The following ITGBL1 variants were observed in gnomAD, a reference collection of about 807,000 sequenced individuals.
The protein encoded by ITGBL1 is integrin subunit beta like 1.
In ITGBL1, 51 loss-of-function variants were observed where a neutral mutation model predicts 68.5. That is an observed-to-expected ratio of 0.74 (90% CI 0.59 to 0.94). ITGBL1 has a LOEUF of 0.94. Ranked by LOEUF, ITGBL1 falls within the 40% of genes least tolerant of loss-of-function variation. ITGBL1 has a pLI of 0.00. For synonymous variants in ITGBL1, 209 were observed against 227.3 expected (o/e 0.92, Z 0.72); for missense variants, 649 against 647.4 (o/e 1.00, Z -0.03).
At chr13:101,604,887 T>TGTATATATATATATACACACAC (rs1555361661) in intron 7 of ITGBL1, among the ~76,000 whole-genome samples, 1 of 22,164 alleles carries the variant, frequency 4.5e-5, no homozygotes, top group African/African-American at 1.5e-4. Context: ...TATATATATA[T>TGTATATATATATATACACACAC]ACACACACAC....
intron 2 of ITGBL1, among the ~76,000 whole-genome samples, chr13:101,521,557 G>A (rs191585715): frequency 6.6e-6 from 1 of 152,184 alleles, no homozygotes; most frequent in Admixed American, 6.5e-5. Context: ...AGAAGGGAGG[G>A]TGGGAGGAGA....
At chr13:101,604,616 C>G (rs1238787802) in intron 7 of ITGBL1, among the ~76,000 whole-genome samples, 1 of 151,010 alleles carries the variant, frequency 6.6e-6, no homozygotes, top group Non-Finnish European at 1.5e-5. Context: ...AGTGCTACAT[C>G]TGCAAACACA....
At chr13:101,541,265 G>T (rs891869662) in intron 2 of ITGBL1, among the ~76,000 whole-genome samples, 3 of 147,546 alleles carry the variant, frequency 2.0e-5, no homozygotes, top group South Asian at 2.1e-4. Flanking sequence ...TAGCATGAAG[G>T]GTTGTTGAAT....
chr13:101,473,820 C>G (rs888490383), intron 2 of ITGBL1, among the ~76,000 whole-genome samples: 7 of 152,110 alleles, frequency 4.6e-5, no homozygotes, highest in African/African-American at 1.7e-4. Flanking sequence ...AGCCCCCATT[C>G]GAGGCACTAG....
chr13:101,671,991 T>C (rs1169855163), intron 7 of ITGBL1, among the ~76,000 whole-genome samples: 1 of 152,198 alleles, frequency 6.6e-6, no homozygotes, highest in Non-Finnish European at 1.5e-5. Context: ...AAGCCTGCCT[T>C]GGTTTGACTT....
chr13:101,543,099 TATG>T (rs1456288738), intron 2 of ITGBL1, among the ~76,000 whole-genome samples: 1 of 152,200 alleles, frequency 6.6e-6, no homozygotes, highest in African/African-American at 2.4e-5. Context: ...ATCCTGTCAT[TATG>T]ATTTTAGCTG....
chr13:101,538,322 G>T (rs1226657213), intron 2 of ITGBL1, among the ~76,000 whole-genome samples: 3 of 151,844 alleles, frequency 2.0e-5, no homozygotes, highest in Non-Finnish European at 4.4e-5. Flanking sequence ...GCCGTGTAAA[G>T]AGATGATAAC....
chr13:101,645,596 A>G (rs571806230), intron 7 of ITGBL1, among the ~76,000 whole-genome samples: 2 of 152,272 alleles, frequency 1.3e-5, no homozygotes, highest in East Asian at 3.9e-4. Flanking sequence ...ATTAAGTATA[A>G]TCAATACCTT....
rs150659546 is a variant in ITGBL1, at chr13:101,471,532, ATGTGTGTGTGTG to A, written c.316+17458_316+17469del. ...TATATGTGTGTGTGTGTGTGTATGT[ATGTGTGTGTGTG>A]TGTGTGTGTGTGTGTGTGTGTGTGT... On this transcript the variant is annotated intron_variant, in intron 2 of 10. Transcript: ENST00000376180. 4.5e-3 allele frequency among the ~76,000 whole-genome samples: 497 copies of A among 110,494 alleles called. 7 individuals are homozygous for A. Among genetic ancestry groups the A allele is most frequent in the East Asian group, 0.04 (195 of 4,852 alleles). 72.5% of individuals were successfully genotyped at this position (110,494 alleles called of 152,430 possible).
intron 3 of ITGBL1, among the ~76,000 whole-genome samples, chr13:101,571,704 G>A (rs189623376): frequency 1.2e-3 from 188 of 152,166 alleles, no homozygotes; most frequent in African/African-American, 4.2e-3. Flanking sequence ...AGACATATTT[G>A]TGTGTTATTA....
intron 8 of ITGBL1, among the ~76,000 whole-genome samples, chr13:101,705,292 C>CAAAAAAAAAAAAAAAAAAAAACAAAAAA (rs66461824): frequency 9.5e-6 from 1 of 105,030 alleles, no homozygotes; most frequent in Non-Finnish European, 1.9e-5. Flanking sequence ...ATTTAAAAAG[C>CAAAAAAAAAAAAAAAAAAAAACAAAAAA]AAAAAAAAAA....
downstream of ITGBL1, chr13:101,718,670 CTTGAGT>C (rs1247583339): frequency 4.6e-5 from 7 of 152,050 alleles, no homozygotes; most frequent in African/African-American, 1.2e-4. Context: ...TTCTGGGCTC[CTTGAGT>C]TTATCTGGAT....
At chr13:101,629,280 A>G (rs2139404807) in intron 7 of ITGBL1, among the ~76,000 whole-genome samples, 1 of 152,292 alleles carries the variant, frequency 6.6e-6, no homozygotes, top group East Asian at 1.9e-4. Flanking sequence ...GTAAGAGAGT[A>G]GGGATTAAAA....
At chr13:101,619,039 C>T (rs1487439974) in intron 7 of ITGBL1, among the ~76,000 whole-genome samples, 1 of 151,794 alleles carries the variant, frequency 6.6e-6, no homozygotes, top group African/African-American at 2.4e-5. Context: ...CTGAGCAGAC[C>T]ACAGTTTTCA....
At chr13:101,625,557 A>AT (rs1416136832) in intron 7 of ITGBL1, among the ~76,000 whole-genome samples, 8 of 54,064 alleles carry the variant, frequency 1.5e-4, no homozygotes, top group African/African-American at 7.5e-4. Context: ...AGTAATGGCT[A>AT]ATTTTTTTTT....
intron 2 of ITGBL1, among the ~76,000 whole-genome samples, chr13:101,546,250 G>A (rs139677655): frequency 6.6e-6 from 1 of 152,272 alleles, no homozygotes; most frequent in African/African-American, 2.4e-5. Flanking sequence ...TGCAATTGCA[G>A]TGGGCTACAA....
intron 2 of ITGBL1, among the ~76,000 whole-genome samples, chr13:101,503,044 GTT>G (rs1440100838): frequency 9.9e-5 from 15 of 152,118 alleles, no homozygotes; most frequent in Non-Finnish European, 2.2e-4. Flanking sequence ...TCTGATAGTG[GTT>G]TGTTCAAACT....
intron 2 of ITGBL1, among the ~76,000 whole-genome samples, chr13:101,478,302 T>C (rs1816075824): frequency 6.6e-6 from 1 of 151,788 alleles, no homozygotes; most frequent in African/African-American, 2.4e-5. Flanking sequence ...ATAAAAACCC[T>C]CAAAAAACTG....
intron 2 of ITGBL1, among the ~76,000 whole-genome samples, chr13:101,505,056 T>C (rs1449436388): frequency 6.6e-6 from 1 of 152,202 alleles, no homozygotes; most frequent in African/African-American, 2.4e-5. Flanking sequence ...TTTAAGCTGT[T>C]ACCATCTCTC....
Sources: allele counts gnomAD v4.1 joint callset (sites outside exome capture counted in the v4.1 genomes callset), GRCh38; gene constraint gnomAD v4.1.1; transcripts MANE v1.5; gene names NCBI Gene and HGNC (gene_info 2026-07-23, HGNC 2026-07-21).